REPS1: variants seen among roughly 807,000 people sequenced by gnomAD.
REPS1 encodes ralBP1-associated Eps domain-containing protein 1.
REPS1 carries 39 observed loss-of-function variants against 100.9 expected under a neutral mutation model. The observed-to-expected ratio is 0.39, with a 90% CI of 0.30 to 0.50. REPS1 has a LOEUF of 0.50. REPS1 is among the 20% of genes least tolerant of loss of function. REPS1 has a pLI of 0.86. For missense variants in REPS1, 821 were observed against 968.5 expected (o/e 0.85, Z 2.02); for synonymous variants, 324 against 340.3 (o/e 0.95, Z 0.53).
At chr6:138,987,411 G>A in intron 1 of REPS1, 119 bp downstream of exon 1, 4 of 1,122,980 alleles carry the variant, frequency 3.6e-6, no homozygotes, top group South Asian at 1.7e-5. Context: ...TGCCCGCTGC[G>A]GGGACCCCCC....
chr6:138,906,176 AAATT>A (rs1224827420), intron 19 of REPS1, among the ~76,000 whole-genome samples: 1 of 152,232 alleles, frequency 6.6e-6, no homozygotes, highest in African/African-American at 2.4e-5. Context: ...ACGATGGACT[AAATT>A]AATAATCATA....
At chr6:138,917,056 A>C (rs972392832) in intron 13 of REPS1, among the ~76,000 whole-genome samples, 6 of 152,218 alleles carry the variant, frequency 3.9e-5, no homozygotes, top group African/African-American at 1.4e-4. Context: ...TCTGTCCTGC[A>C]CACAGCTTTT....
At chr6:138,924,793 A>C (rs2128449929) in intron 10 of REPS1, among the ~76,000 whole-genome samples, 1 of 152,322 alleles carries the variant, frequency 6.6e-6, no homozygotes, top group East Asian at 1.9e-4. Flanking sequence ...AAGAGATCTT[A>C]ATTATAGCTG....
intron 9 of REPS1, 74 bp from the exon 10 acceptor site, chr6:138,926,555 AAAGT>A (rs976747216): frequency 9.7e-7 from 1 of 1,032,250 alleles, no homozygotes; most frequent in African/African-American, 1.6e-5. Flanking sequence ...AAGATTTAGC[AAAGT>A]AATTCAGAGG....
At position 138,987,926 on chromosome 6, in the gene REPS1, G is replaced by GCGACTA. The variant is rs1381158818; in HGVS notation, c.-250_-245dup. 6 of 375,086 alleles carry GCGACTA rather than the reference G, an allele frequency of 1.6e-5. 1 individual carries two copies. Among genetic ancestry groups the GCGACTA allele is most frequent in the East Asian group, 1.2e-4 (3 of 24,408 alleles). The allele number at this position is 375,086 out of a possible 1,614,324, so 23.2% of individuals were successfully genotyped here. A position where few individuals can be genotyped will look rare whatever the true frequency, so the allele number is the denominator to read the frequency against. On this transcript the variant is annotated 5_prime_UTR_variant, in exon 1 of 20. Coordinates refer to ENST00000450536, the MANE Select transcript of REPS1 (RefSeq NM_001286611.2). ...CCGGCGCGCGGCTGCGGCTGCGGCT[G>GCGACTA]CGACTACGGCTCCGGCTCCGGCTCC...
intron 1 of REPS1, among the ~76,000 whole-genome samples, chr6:138,953,684 A>T (rs1350146799): frequency 3.8e-5 from 3 of 79,664 alleles, no homozygotes; most frequent in African/African-American, 1.9e-4. Flanking sequence ...CTATTATCAA[A>T]AAAAAAAAAA....
intron 1 of REPS1, among the ~76,000 whole-genome samples, chr6:138,979,182 A>C (rs1042249015): frequency 6.7e-5 from 9 of 134,280 alleles, no homozygotes; most frequent in African/African-American, 2.0e-4. Context: ...ATCCATCACA[A>C]AAAAAAAAAA....
At chr6:138,978,164 AT>A (rs1784704237) in intron 1 of REPS1, among the ~76,000 whole-genome samples, 2 of 151,658 alleles carry the variant, frequency 1.3e-5, no homozygotes, top group Admixed American at 6.6e-5. Flanking sequence ...GACCTTTACC[AT>A]GTTTATAATA....
chr6:138,913,546 C>T (rs780568975), intron 15 of REPS1, among the ~76,000 whole-genome samples: 2 of 152,086 alleles, frequency 1.3e-5, no homozygotes, highest in East Asian at 1.9e-4. Flanking sequence ...GCTGACAGTC[C>T]GGAGCAGGAG....
chr6:138,973,055 C>G (rs9399267), intron 1 of REPS1, among the ~76,000 whole-genome samples: 28,077 of 151,934 alleles, frequency 0.18, 2,776 homozygotes, highest in East Asian at 0.33. Context: ...TAAAACTTAC[C>G]CTCAAATTTT....
chr6:138,958,433 T>G (rs187050875), intron 1 of REPS1, among the ~76,000 whole-genome samples: 1 of 152,324 alleles, frequency 6.6e-6, no homozygotes, highest in Admixed American at 6.5e-5. Context: ...GTTTGTCACA[T>G]AGGTATATGT....
chr6:138,952,821 G>GT (rs1783123403), intron 1 of REPS1, among the ~76,000 whole-genome samples: 3 of 148,118 alleles, frequency 2.0e-5, no homozygotes, highest in Admixed American at 6.7e-5. Flanking sequence ...CAGACAGATA[G>GT]TTTTTTGTTT....
At chr6:138,978,491 T>TAA (rs1554297994) in intron 1 of REPS1, among the ~76,000 whole-genome samples, 2 of 151,176 alleles carry the variant, frequency 1.3e-5, no homozygotes, top group East Asian at 3.9e-4. Context: ...CTTTTTTTTT[T>TAA]ACAGGCAGGG....
intron 1 of REPS1, among the ~76,000 whole-genome samples, chr6:138,984,078 C>T (rs1451990328): frequency 8.2e-5 from 11 of 134,450 alleles, no homozygotes; most frequent in Admixed American, 2.2e-4. Context: ...CTCTCTCTCT[C>T]TTTTTTTTTT....
chr6:138,982,508 C>T (rs1300422035), intron 1 of REPS1, among the ~76,000 whole-genome samples: 1 of 152,194 alleles, frequency 6.6e-6, no homozygotes, highest in African/African-American at 2.4e-5. Flanking sequence ...GCTAAGAAAA[C>T]ATTCTGATTA....
intron 18 of REPS1, 82 bp downstream of exon 18, chr6:138,908,586 C>T (rs1021522621): frequency 2.4e-5 from 36 of 1,493,626 alleles, no homozygotes; most frequent in East Asian, 6.8e-5. Context: ...TGAGCCACCA[C>T]GCCTGGGCCA....
intron 16 of REPS1, among the ~76,000 whole-genome samples, chr6:138,912,518 G>A (rs1294015441): frequency 6.6e-6 from 1 of 152,114 alleles, no homozygotes; most frequent in African/African-American, 2.4e-5. Flanking sequence ...CCAAAGCAGC[G>A]TTTTAGCCAC....
intron 1 of REPS1, among the ~76,000 whole-genome samples, chr6:138,975,263 A>T (rs967926717): frequency 6.6e-6 from 1 of 152,174 alleles, no homozygotes; most frequent in African/African-American, 2.4e-5. Context: ...CTATAGGCTC[A>T]AAACCTCAGA....
chr6:138,912,902 T>C lies in REPS1; in HGVS notation c.1834A>G (p.Thr612Ala), dbSNP rs145783793. 7.4e-5 allele frequency: 119 copies of C among 1,614,110 alleles called. No individual in the cohort carries two copies. The African/African-American group carries it at 1.4e-3, about 19-fold the overall frequency. ...TGCTGAGGTGAGGTACTAGTGTGAG[T>C]TATGAGGCCATCGGCATCCACTGGG... is the stretch of plus-strand genomic sequence containing the variant. ...HRPVDADGLITHTSTSPQQIP... is the reference protein window; with the variant it reads ...HRPVDADGLIAHTSTSPQQIP... Residue 612 changes from threonine to alanine, a missense_variant, in exon 16 of 20, where the codon ACT becomes GCT. Thr to Ala is a moderately conservative substitution (Grantham distance 58, BLOSUM62 0). This residue lies in a region of REPS1 where 757 missense variants were observed against 866.4 expected (regional missense o/e 0.87). Coordinates refer to ENST00000450536, the MANE Select transcript of REPS1 (RefSeq NM_001286611.2).
Sources: gnomAD v4.1 joint callset for allele counts (sites outside exome capture counted in the v4.1 genomes callset) on GRCh38, gnomAD v4.1.1 for gene constraint, gnomAD v4.1.1 regional missense constraint, MANE v1.5 for transcripts, NCBI Gene and HGNC (gene_info 2026-07-23, HGNC 2026-07-21) for gene names.